FGGY: variants seen among roughly 807,000 people sequenced by gnomAD.
The protein encoded by FGGY is FGGY carbohydrate kinase domain containing.
Under a neutral mutation model 71.3 loss-of-function variants are expected in FGGY, and 72 were observed. That is an observed-to-expected ratio of 1.01 (90% CI 0.84 to 1.23). The LOEUF (loss-of-function observed/expected upper bound fraction) is 1.23, where lower values mean the gene tolerates loss of function less well. Among genes scored for constraint, FGGY ranks in the 50% most tolerant of loss-of-function variants. FGGY has a pLI of 0.00. For missense variants in FGGY, 668 were observed against 682.3 expected (o/e 0.98, Z 0.23); for synonymous variants, 251 against 250.3 (o/e 1.00, Z -0.02).
At chr1:59,703,760 ACT>A (rs1239251128) in intron 14 of FGGY, among the ~76,000 whole-genome samples, 2 of 151,958 alleles carry the variant, frequency 1.3e-5, no homozygotes, top group Non-Finnish European at 2.9e-5. Context: ...CTAAAAACAA[ACT>A]CTGTCATGAG....
chr1:59,751,935 G>A (rs1463344792), intron 14 of FGGY, among the ~76,000 whole-genome samples: 1 of 152,194 alleles, frequency 6.6e-6, no homozygotes, highest in Non-Finnish European at 1.5e-5. Flanking sequence ...CCTGGAACAT[G>A]CAAACGACAA....
chr1:59,306,053 A>G (rs2043387729), intron 1 of FGGY, among the ~76,000 whole-genome samples: 1 of 152,134 alleles, frequency 6.6e-6, no homozygotes, highest in African/African-American at 2.4e-5. Context: ...CCATTGAAGG[A>G]CTTATCTCAT....
chr1:59,507,911 G>A (rs1290406935), intron 6 of FGGY, among the ~76,000 whole-genome samples: 5 of 151,942 alleles, frequency 3.3e-5, no homozygotes, highest in Non-Finnish European at 2.9e-5. Flanking sequence ...GCCTGGCCAC[G>A]CCTGAAGCCC....
chr1:59,455,240 T>C (rs2091569734), intron 5 of FGGY, among the ~76,000 whole-genome samples: 1 of 152,178 alleles, frequency 6.6e-6, no homozygotes, highest in Non-Finnish European at 1.5e-5. Flanking sequence ...AGATTGGAAC[T>C]TGGAGAAGAA....
intron 4 of FGGY, among the ~76,000 whole-genome samples, chr1:59,349,186 C>T (rs571104631): frequency 6.6e-6 from 1 of 152,270 alleles, no homozygotes; most frequent in South Asian, 2.1e-4. Context: ...CTGCTGGGCT[C>T]CAAATCTCAG....
At position 59,731,885 on chromosome 1, in the gene FGGY, A is replaced by G. The variant is rs114804532; in HGVS notation, c.1513-26046A>G. ...AAGCTCTCTTCCCAATGCCCTGTTT[A>G]TCCTAGGTTTGAGGCCCCATCTTCC... On this transcript the variant is annotated intron_variant, in intron 14 of 15. Transcript: ENST00000303721. Among the ~76,000 whole-genome samples the G allele has an allele frequency of 4.3e-3, 655 of 152,178 alleles. 3 individuals are homozygous for G. Among genetic ancestry groups the G allele is most frequent in the African/African-American group, 0.014 (600 of 41,520 alleles).
intron 5 of FGGY, among the ~76,000 whole-genome samples, chr1:59,413,180 G>T (rs759652212): frequency 1.1e-4 from 17 of 152,178 alleles, no homozygotes; most frequent in African/African-American, 4.1e-4. Context: ...TCTGTTGTTG[G>T]TGTGCTGTGC....
intron 9 of FGGY, among the ~76,000 whole-genome samples, chr1:59,619,604 G>A (rs1327636125): frequency 6.6e-6 from 1 of 152,040 alleles, no homozygotes; most frequent in African/African-American, 2.4e-5. Flanking sequence ...TAGCAACAAG[G>A]TCACAATGGA....
chr1:59,663,440 C>T (rs2097296048), intron 12 of FGGY, among the ~76,000 whole-genome samples: 1 of 152,102 alleles, frequency 6.6e-6, no homozygotes, highest in Non-Finnish European at 1.5e-5. Context: ...CACAGAGGTT[C>T]CTTTCCTGGT....
At chr1:59,618,254 T>G (rs1489741781) in intron 9 of FGGY, among the ~76,000 whole-genome samples, 1 of 152,168 alleles carries the variant, frequency 6.6e-6, no homozygotes, top group Non-Finnish European at 1.5e-5. Flanking sequence ...GTACCTATTA[T>G]GTACCAAATA....
intron 4 of FGGY, among the ~76,000 whole-genome samples, chr1:59,372,233 A>G (rs1258380793): frequency 2.6e-5 from 4 of 152,218 alleles, no homozygotes; most frequent in African/African-American, 7.2e-5. Context: ...GAATATCACC[A>G]CCGATCCCAC....
At chr1:59,422,122 C>T (rs1215101937) in intron 5 of FGGY, among the ~76,000 whole-genome samples, 2 of 152,170 alleles carry the variant, frequency 1.3e-5, no homozygotes, top group African/African-American at 2.4e-5. Context: ...GAGAGATTTT[C>T]AGTTTAATTC....
intron 5 of FGGY, among the ~76,000 whole-genome samples, chr1:59,437,495 G>T (rs969004503): frequency 1.3e-5 from 2 of 152,214 alleles, no homozygotes; most frequent in Non-Finnish European, 2.9e-5. Flanking sequence ...TACCCATTAC[G>T]TGTAGGGGCT....
intron 4 of FGGY, among the ~76,000 whole-genome samples, chr1:59,365,539 C>T (rs2153233706): frequency 6.6e-6 from 1 of 152,324 alleles, no homozygotes; most frequent in African/African-American, 2.4e-5. Context: ...GTAAGAAATG[C>T]ACTTCTGCAT....
intron 8 of FGGY, among the ~76,000 whole-genome samples, chr1:59,578,556 C>A (rs2096126798): frequency 6.6e-6 from 1 of 151,960 alleles, no homozygotes; most frequent in Non-Finnish European, 1.5e-5. Context: ...TTTCAATTAG[C>A]CAAAATGGGA....
chr1:59,339,031 A>G (rs1023276247), intron 2 of FGGY, among the ~76,000 whole-genome samples: 3 of 152,218 alleles, frequency 2.0e-5, no homozygotes, highest in Admixed American at 1.3e-4. Context: ...GATGTCTAAG[A>G]TAGTAACATT....
intron 11 of FGGY, among the ~76,000 whole-genome samples, chr1:59,640,769 C>T (rs1050548407): frequency 6.0e-5 from 9 of 150,868 alleles, no homozygotes; most frequent in African/African-American, 2.2e-4. Context: ...CTATCCATAT[C>T]GTAAGTATTT....
intron 2 of FGGY, among the ~76,000 whole-genome samples, chr1:59,333,295 G>T (rs890916725): frequency 6.6e-6 from 1 of 152,214 alleles, no homozygotes; most frequent in Non-Finnish European, 1.5e-5. Flanking sequence ...GGGCCACATA[G>T]CAAGTAGAAG....
At chr1:59,609,313 A>G (rs1314526229) in intron 9 of FGGY, among the ~76,000 whole-genome samples, 1 of 152,242 alleles carries the variant, frequency 6.6e-6, no homozygotes, top group Non-Finnish European at 1.5e-5. Context: ...CGTCTAGCAG[A>G]CCAAGAGGAA....
Sources: gnomAD v4.1 joint callset for allele counts (sites outside exome capture counted in the v4.1 genomes callset) on GRCh38, gnomAD v4.1.1 for gene constraint, MANE v1.5 for transcripts, NCBI Gene and HGNC (gene_info 2026-07-23, HGNC 2026-07-21) for gene names.